The following MMRN1 variants were observed in gnomAD, a reference collection of about 807,000 sequenced individuals.
MMRN1 encodes multimerin-1.
In MMRN1, 94 loss-of-function variants were observed where a neutral mutation model predicts 100.7. That is an observed-to-expected ratio of 0.93 (90% CI 0.79 to 1.11). The LOEUF (loss-of-function observed/expected upper bound fraction) is 1.11, where lower values mean the gene tolerates loss of function less well. Ranked by LOEUF, MMRN1 falls within the 50% of genes least tolerant of loss-of-function variation. The probability of loss-of-function intolerance (pLI) is 0.00; values close to 1 mark genes in which losing one functional copy is unlikely to be tolerated. For missense variants in MMRN1, 1,606 were observed against 1,439.1 expected, an observed-to-expected ratio of 1.12 and a Z score of -1.88; for synonymous variants, 575 against 505.0, an observed-to-expected ratio of 1.14 and a Z score of -1.86.
intron 4 of MMRN1, among the ~76,000 whole-genome samples, chr4:89,925,501 A>AAT (rs150903291): frequency 9.1e-4 from 132 of 145,572 alleles, no homozygotes; most frequent in African/African-American, 1.4e-3. Context: ...TTATATTTTT[A>AAT]ATATATATAT....
chr4:89,954,128 A>G lies in MMRN1; in HGVS notation c.*710A>G, dbSNP rs1417438453. 1.3e-5 allele frequency: 2 copies of G among 152,204 alleles called. No homozygotes were observed. Among genetic ancestry groups the G allele is most frequent in the Non-Finnish European group, 2.9e-5 (2 of 68,066 alleles). The allele number at this position is 152,204 out of a possible 1,614,324, so 9.4% of individuals were successfully genotyped here. On this transcript the variant is annotated 3_prime_UTR_variant, in exon 8 of 8. Coordinates refer to ENST00000264790, the MANE Select transcript of MMRN1 (RefSeq NM_007351.3). Reference sequence around the variant, plus strand: ...ATAAGGGGCAAAAAGTCTTTTTCTAATAAGTATTCTTCTATGGTAGTACCT... The same window carrying G: ...ATAAGGGGCAAAAAGTCTTTTTCTAGTAAGTATTCTTCTATGGTAGTACCT...
chr4:89,952,717 T>A (rs1367187416), intron 7 of MMRN1, among the ~76,000 whole-genome samples: 1 of 152,142 alleles, frequency 6.6e-6, no homozygotes, highest in Non-Finnish European at 1.5e-5. Context: ...ACATGCAAAT[T>A]ATCTTTGAGG....
At position 89,920,846 on chromosome 4, in the gene MMRN1, C is replaced by T. The variant is rs115373861; in HGVS notation, c.851-2322C>T. Among the ~76,000 whole-genome samples, 671 of 151,692 alleles carry T rather than the reference C, an allele frequency of 4.4e-3. 6 individuals are homozygous for T. The highest frequency in any genetic ancestry group is 0.015 in the African/African-American group (638 of 41,326). Reference sequence around the variant, plus strand: ...TTTGTTTTTTTTAAATACGCACCTGCCCCATTCCTCAAAATAGAGCTACTG... The same window carrying T: ...TTTGTTTTTTTTAAATACGCACCTGTCCCATTCCTCAAAATAGAGCTACTG... On this transcript the variant is annotated intron_variant, in intron 3 of 7. Transcript: ENST00000264790.
intron 5 of MMRN1, among the ~76,000 whole-genome samples, chr4:89,932,153 C>T (rs78239457): frequency 1.5e-3 from 227 of 152,264 alleles, no homozygotes; most frequent in African/African-American, 5.2e-3. Flanking sequence ...AAAGGGGCTA[C>T]GGGCCTCACG....
chr4:89,905,916 C>T (rs574807723), intron 1 of MMRN1, among the ~76,000 whole-genome samples: 8 of 151,604 alleles, frequency 5.3e-5, no homozygotes, highest in African/African-American at 1.7e-4. Flanking sequence ...AAGTATTTAG[C>T]TTCTTTTGAA....
At chr4:89,925,501 A>T (rs1422161617) in intron 4 of MMRN1, among the ~76,000 whole-genome samples, 4 of 145,582 alleles carry the variant, frequency 2.7e-5, no homozygotes, top group Admixed American at 6.9e-5. Flanking sequence ...TTATATTTTT[A>T]ATATATATAT....
At chr4:89,920,747 A>G (rs879863009) in intron 3 of MMRN1, among the ~76,000 whole-genome samples, 1 of 152,098 alleles carries the variant, frequency 6.6e-6, no homozygotes, top group East Asian at 1.9e-4. Context: ...AAGCTTAGCA[A>G]TTTGTTCAAA....
intron 4 of MMRN1, 59 bp downstream of exon 4, chr4:89,923,331 A>G: frequency 7.0e-7 from 1 of 1,429,950 alleles, no homozygotes; most frequent in South Asian, 1.2e-5. Context: ...TATTTATTAC[A>G]ACTTCCAAGC....
At chr4:89,907,309 T>G (rs978102470) in intron 1 of MMRN1, among the ~76,000 whole-genome samples, 11 of 151,568 alleles carry the variant, frequency 7.3e-5, no homozygotes, top group Non-Finnish European at 1.3e-4. Context: ...ATTTTAAACA[T>G]CACATTCAAA....
At chr4:89,925,047 T>C (rs915345356) in intron 4 of MMRN1, among the ~76,000 whole-genome samples, 2 of 152,094 alleles carry the variant, frequency 1.3e-5, no homozygotes, top group African/African-American at 4.8e-5. Flanking sequence ...TATTTTAAAA[T>C]GTACAATTAA....
intron 4 of MMRN1, among the ~76,000 whole-genome samples, chr4:89,927,007 A>G (rs762924234): frequency 1.1e-4 from 16 of 152,240 alleles, no homozygotes; most frequent in South Asian, 8.3e-4. Flanking sequence ...TGCCAGTACC[A>G]TACTGTTTTG....
chr4:89,929,478 C>T (rs1722369587), intron 5 of MMRN1, among the ~76,000 whole-genome samples: 1 of 152,126 alleles, frequency 6.6e-6, no homozygotes, highest in South Asian at 2.1e-4. Context: ...CATTTTTCCC[C>T]CCTGAAGTGA....
chr4:89,935,806 G>T lies in MMRN1; in HGVS notation c.2126G>T (p.Arg709Leu), dbSNP rs369525805. The T allele has an allele frequency of 1.2e-6, 2 of 1,613,234 alleles. No homozygotes were observed. The highest frequency in any genetic ancestry group is 1.7e-6 in the Non-Finnish European group (2 of 1,179,604). ...HNLLRNEVQG[R>L]DDALERRINE... The stretch of plus-strand genomic sequence containing the variant: ...TTACTTAGAAATGAAGTACAGGGTC[G>T]TGATGATGCCTTAGAAAGACGTATC... Residue 709 changes from arginine to leucine, a missense_variant, in exon 6 of 8, where the codon CGT (arginine) becomes CTT (leucine). Transcript: ENST00000264790.
At chr4:89,936,834 T>C (rs555311107) in intron 6 of MMRN1, 36 bp downstream of exon 6, 1 of 1,517,096 alleles carries the variant, frequency 6.6e-7, no homozygotes, top group Non-Finnish European at 8.8e-7. Flanking sequence ...TTAATCTCTC[T>C]TTTTACTTAA....
intron 5 of MMRN1, among the ~76,000 whole-genome samples, chr4:89,933,168 C>T (rs183028731): frequency 1.1e-3 from 164 of 152,274 alleles, no homozygotes; most frequent in African/African-American, 3.5e-3. Context: ...ATCTCTAGGG[C>T]GGGGCAAAAT....
At chr4:89,920,824 G>A (rs1387080539) in intron 3 of MMRN1, among the ~76,000 whole-genome samples, 1 of 150,554 alleles carries the variant, frequency 6.6e-6, no homozygotes, top group African/African-American at 2.4e-5. Context: ...TTGTTTGTTT[G>A]TTTTTTTTAA....
chr4:89,892,826 A>C (rs1172568610), upstream of MMRN1, among the ~76,000 whole-genome samples: 1 of 152,176 alleles, frequency 6.6e-6, no homozygotes, highest in South Asian at 2.1e-4. Flanking sequence ...TTACCACTAA[A>C]GTTCACTTGC....
intron 4 of MMRN1, among the ~76,000 whole-genome samples, chr4:89,927,148 ATT>A (rs201261430): frequency 6.9e-6 from 1 of 144,942 alleles, no homozygotes; most frequent in African/African-American, 2.5e-5. Flanking sequence ...AAATTTTAGG[ATT>A]TTTTTTTTTG....
intron 5 of MMRN1, 100 bp downstream of exon 5, chr4:89,928,068 G>A: frequency 2.1e-6 from 2 of 960,244 alleles, no homozygotes; most frequent in Non-Finnish European, 3.0e-6. Context: ...CTTTAGTTTG[G>A]GTGGTATGGA....
Sources: gnomAD v4.1 joint callset for allele counts (sites outside exome capture counted in the v4.1 genomes callset) on GRCh38, gnomAD v4.1.1 for gene constraint, MANE v1.5 for transcripts, NCBI Gene and HGNC (gene_info 2026-07-23, HGNC 2026-07-21) for gene names.